Variants in KIAA1328 observed in about 807,000 individuals in gnomAD.
KIAA1328 encodes KIAA1328, also known as protein hinderin.
In KIAA1328, 52 loss-of-function variants were observed where a neutral mutation model predicts 68.1. The observed-to-expected ratio is 0.76, with a 90% confidence interval of 0.61 to 0.96. KIAA1328 has a LOEUF of 0.96. Ranked by LOEUF, KIAA1328 falls within the 40% of genes least tolerant of loss-of-function variation. The pLI is 0.00. For missense variants in KIAA1328, 641 were observed against 677.6 expected (o/e 0.95, Z 0.60); for synonymous variants, 232 against 239.4 (o/e 0.97, Z 0.28).
intron 6 of KIAA1328, among the ~76,000 whole-genome samples, chr18:37,043,060 A>G (rs978955943): frequency 5.3e-5 from 8 of 151,936 alleles, no homozygotes; most frequent in Admixed American, 6.6e-5. Context: ...GTACTTTTCA[A>G]TGCTAGCATT....
intron 6 of KIAA1328, among the ~76,000 whole-genome samples, chr18:36,992,477 G>A (rs1464391090): frequency 1.1e-5 from 1 of 89,624 alleles, no homozygotes; most frequent in East Asian, 2.8e-4. Context: ...TTTTTTTTTT[G>A]CTATATGTGG....
intron 7 of KIAA1328, among the ~76,000 whole-genome samples, chr18:37,124,099 A>T (rs1039003037): frequency 2.0e-5 from 3 of 152,236 alleles, no homozygotes; most frequent in Non-Finnish European, 2.9e-5. Flanking sequence ...TATTGAACAC[A>T]TATGGTTACC....
At chr18:36,878,998 C>G (rs1437278655) in intron 4 of KIAA1328, among the ~76,000 whole-genome samples, 1 of 152,180 alleles carries the variant, frequency 6.6e-6, no homozygotes, top group African/African-American at 2.4e-5. Flanking sequence ...TATTACCCAC[C>G]TTCTGAAGCC....
chr18:37,203,121 G>A (rs969948905), intron 9 of KIAA1328, among the ~76,000 whole-genome samples: 1 of 147,772 alleles, frequency 6.8e-6, no homozygotes, highest in Non-Finnish European at 1.5e-5. Context: ...TATTAATGCT[G>A]TATGAAAATC....
intron 6 of KIAA1328, among the ~76,000 whole-genome samples, chr18:37,051,209 G>A (rs796494184): frequency 7.0e-6 from 1 of 142,570 alleles, no homozygotes; most frequent in East Asian, 2.1e-4. Flanking sequence ...ACAGATTAGA[G>A]CAGAACTAAA....
chr18:37,125,404 G>A (rs2151943631), intron 7 of KIAA1328, among the ~76,000 whole-genome samples: 1 of 152,208 alleles, frequency 6.6e-6, no homozygotes, highest in African/African-American at 2.4e-5. Flanking sequence ...ATATTAGAAA[G>A]TTTAAATGTT....
chr18:36,972,552 A>G (rs373215109), intron 6 of KIAA1328, among the ~76,000 whole-genome samples: 48 of 152,300 alleles, frequency 3.2e-4, no homozygotes, highest in South Asian at 2.3e-3. Flanking sequence ...TGTTAATGTA[A>G]GTTCCAAAAC....
intron 4 of KIAA1328, among the ~76,000 whole-genome samples, chr18:36,873,221 G>T (rs1156554617): frequency 6.6e-6 from 1 of 152,116 alleles, no homozygotes; most frequent in Middle Eastern, 3.2e-3. Context: ...AAGAAACCAG[G>T]TGGCATCTTC....
chr18:36,837,464 C>G, intron 3 of KIAA1328, among the ~76,000 whole-genome samples: 1 of 152,122 alleles, frequency 6.6e-6, no homozygotes, highest in Non-Finnish European at 1.5e-5. Flanking sequence ...GTTATGAGTT[C>G]TTTCTAAATT....
At chr18:37,106,821 A>C (rs1379614588) in intron 7 of KIAA1328, among the ~76,000 whole-genome samples, 1 of 152,168 alleles carries the variant, frequency 6.6e-6, no homozygotes, top group Non-Finnish European at 1.5e-5. Flanking sequence ...AAAACGAATT[A>C]AGTGTCACTA....
intron 7 of KIAA1328, among the ~76,000 whole-genome samples, chr18:37,080,074 C>G (rs940971308): frequency 9.9e-5 from 15 of 152,126 alleles, no homozygotes; most frequent in Non-Finnish European, 1.6e-4. Context: ...TCACAGTATA[C>G]TCTGGTGGTA....
At chr18:37,079,570 T>C (rs1274799354) in intron 7 of KIAA1328, among the ~76,000 whole-genome samples, 2 of 151,920 alleles carry the variant, frequency 1.3e-5, no homozygotes, top group Admixed American at 1.3e-4. Flanking sequence ...GAGATTTTTA[T>C]TAAATAATGG....
intron 6 of KIAA1328, among the ~76,000 whole-genome samples, chr18:37,020,158 C>T (rs1247366341): frequency 6.6e-6 from 1 of 152,116 alleles, no homozygotes; most frequent in African/African-American, 2.4e-5. Flanking sequence ...GAGTCTCACC[C>T]TGTTGCCCAG....
chr18:36,849,146 T>C (rs1368338120), intron 4 of KIAA1328, among the ~76,000 whole-genome samples: 2 of 151,936 alleles, frequency 1.3e-5, no homozygotes, highest in Non-Finnish European at 2.9e-5. Flanking sequence ...TTCTTTCATC[T>C]TCTGTGAAAC....
At chr18:37,003,118 C>T in intron 6 of KIAA1328, among the ~76,000 whole-genome samples, 1 of 152,148 alleles carries the variant, frequency 6.6e-6, no homozygotes, top group Admixed American at 6.6e-5. Flanking sequence ...AAAAGTAGTG[C>T]TGGGAAAATT....
chr18:36,907,128 A>G lies in KIAA1328; in HGVS notation c.448+21456A>G, dbSNP rs1021952777. On this transcript the variant is annotated intron_variant, in intron 5 of 9. Coordinates refer to ENST00000280020, the MANE Select transcript of KIAA1328 (RefSeq NM_020776.3). ...ATAAAGGAATAAAGTTGACTTTTCT[A>G]TGTTGATCTTGTGTCCAATGACTGC... is the stretch of plus-strand genomic sequence containing the variant. Among the ~76,000 whole-genome samples, 10 of 152,084 alleles carry G rather than the reference A, an allele frequency of 6.6e-5. No individual in the cohort carries two copies. In the East Asian group the frequency reaches 1.2e-3, roughly 18 times the overall value.
At chr18:37,005,414 G>C (rs2053744130) in intron 6 of KIAA1328, among the ~76,000 whole-genome samples, 1 of 133,940 alleles carries the variant, frequency 7.5e-6, no homozygotes, top group Admixed American at 8.4e-5. Context: ...TCTTACCTTA[G>C]TCAGAATAGC....
intron 6 of KIAA1328, among the ~76,000 whole-genome samples, chr18:36,994,940 C>CTATTTATTTATT (rs10573421): frequency 2.1e-4 from 31 of 149,544 alleles, no homozygotes; most frequent in Non-Finnish European, 2.5e-4. Context: ...CATTCACCCA[C>CTATTTATTTATT]TATTTATTTA....
chr18:37,117,655 TA>T (rs2058152039), intron 7 of KIAA1328, among the ~76,000 whole-genome samples: 1 of 151,902 alleles, frequency 6.6e-6, no homozygotes, highest in Non-Finnish European at 1.5e-5. Flanking sequence ...AAAAAAAAAT[TA>T]AAAACATCAT....
Sources: allele counts gnomAD v4.1 joint callset (sites outside exome capture counted in the v4.1 genomes callset), GRCh38; gene constraint gnomAD v4.1.1; transcripts MANE v1.5; gene names NCBI Gene and HGNC (gene_info 2026-07-23, HGNC 2026-07-21).